The following ZBBX variants were observed in gnomAD, a reference collection of about 807,000 sequenced individuals.
ZBBX encodes the protein zinc finger B-box domain containing.
ZBBX carries 101 observed loss-of-function variants against 108.5 expected under a neutral mutation model. The ratio of observed to expected loss-of-function variants is 0.93; its 90% CI spans 0.79 to 1.10. ZBBX has a LOEUF of 1.10. Among genes scored for constraint, ZBBX ranks in the 50% least tolerant of loss-of-function variants. The pLI, the probability that ZBBX is intolerant of heterozygous loss-of-function variation, is 0.00. For missense variants in ZBBX, 1,009 were observed against 941.4 expected (o/e 1.07, Z -0.94); for synonymous variants, 356 against 323.4 (o/e 1.10, Z -1.08).
At chr3:167,222,646 T>C in the ZBBX span, among the ~76,000 whole-genome samples, 1 of 151,964 alleles carries the variant, frequency 6.6e-6, no homozygotes, top group Non-Finnish European at 1.5e-5. Flanking sequence ...GTATTATTCA[T>C]TGTATGCCTG....
chr3:167,346,321 T>C (rs2108471207), intron 9 of ZBBX, among the ~76,000 whole-genome samples: 1 of 151,950 alleles, frequency 6.6e-6, no homozygotes, highest in Middle Eastern at 3.4e-3. Flanking sequence ...CAAGTACAAA[T>C]CAATCATAAA....
chr3:167,290,599 G>A (rs920406656), intron 18 of ZBBX, among the ~76,000 whole-genome samples: 2 of 152,180 alleles, frequency 1.3e-5, no homozygotes, highest in Admixed American at 1.3e-4. Context: ...AAGATGGGGA[G>A]AAACCAGTGC....
chr3:167,316,260 A>G (rs936712472), intron 14 of ZBBX, among the ~76,000 whole-genome samples: 10 of 152,138 alleles, frequency 6.6e-5, no homozygotes, highest in African/African-American at 2.4e-4. Context: ...TTGTTAGCCA[A>G]AAAACACAAA....
intron 9 of ZBBX, among the ~76,000 whole-genome samples, chr3:167,335,569 GC>G (rs1362235975): frequency 6.6e-6 from 1 of 151,364 alleles, no homozygotes; most frequent in Admixed American, 6.6e-5. Flanking sequence ...GAAAAATTTA[GC>G]AGGGATCAGA....
At chr3:167,346,451 A>G (rs1300499881) in intron 9 of ZBBX, among the ~76,000 whole-genome samples, 1 of 151,824 alleles carries the variant, frequency 6.6e-6, no homozygotes, top group Non-Finnish European at 1.5e-5. Flanking sequence ...TACTGACTAA[A>G]CTCACAGGAC....
At chr3:167,185,124 C>T in the ZBBX span, among the ~76,000 whole-genome samples, 1 of 152,214 alleles carries the variant, frequency 6.6e-6, no homozygotes, top group Non-Finnish European at 1.5e-5. Flanking sequence ...CAAACCTAAA[C>T]GTTTCTCCAC....
At position 167,270,333 on chromosome 3, in the gene ZBBX, C is replaced by T. The variant is rs553434039; in HGVS notation, c.2254+11905G>A. Among the ~76,000 whole-genome samples the T allele has an allele frequency of 1.7e-4, 26 of 152,240 alleles. 1 individual carries two copies. In the South Asian group the frequency reaches 3.3e-3, roughly 19 times the overall value. On this transcript the variant is annotated intron_variant, in intron 20 of 21. Transcript: ENST00000675490. The stretch of plus-strand genomic sequence containing the variant: ...ATTTCTAGGATTAGTTGGATACTGC[C>T]GCTTATGGATTGACTCATATGCCTT...
At chr3:167,368,867 T>C (rs1179169181) in intron 4 of ZBBX, 1 of 340,382 alleles carries the variant, frequency 2.9e-6, no homozygotes, top group Non-Finnish European at 4.3e-6. Flanking sequence ...TGAACAAATA[T>C]CTATGACATA....
intron 8 of ZBBX, among the ~76,000 whole-genome samples, chr3:167,352,577 A>G (rs1742847793): frequency 6.6e-6 from 1 of 152,040 alleles, no homozygotes. Context: ...TACCAATACC[A>G]CTGAAACTAT....
intron 1 of ZBBX, among the ~76,000 whole-genome samples, chr3:167,402,627 T>G (rs1394096284): frequency 2.0e-5 from 3 of 151,948 alleles, no homozygotes; most frequent in African/African-American, 7.2e-5. Flanking sequence ...AAACCACAGA[T>G]GATCCAGATA....
intron 18 of ZBBX, among the ~76,000 whole-genome samples, chr3:167,293,145 TTC>T (rs1430662736): frequency 6.6e-6 from 1 of 152,206 alleles, no homozygotes; most frequent in Non-Finnish European, 1.5e-5. Context: ...GTACCATTCC[TTC>T]TGAAACTATT....
chr3:167,312,438 A>G (rs1394955834), intron 16 of ZBBX, among the ~76,000 whole-genome samples: 1 of 152,224 alleles, frequency 6.6e-6, no homozygotes, highest in Non-Finnish European at 1.5e-5. Flanking sequence ...ATGGACACTG[A>G]GTTACAATAA....
intron 16 of ZBBX, among the ~76,000 whole-genome samples, chr3:167,311,502 C>T (rs2108264956): frequency 6.6e-6 from 1 of 152,118 alleles, no homozygotes; most frequent in East Asian, 1.9e-4. Context: ...AACAGGCAAT[C>T]CATACACTGA....
At chr3:167,345,881 T>C (rs1447878926) in intron 9 of ZBBX, among the ~76,000 whole-genome samples, 1 of 151,848 alleles carries the variant, frequency 6.6e-6, no homozygotes, top group Non-Finnish European at 1.5e-5. Flanking sequence ...CTTTCATTAA[T>C]ACCACCCACC....
chr3:167,392,804 T>C (rs1007894580), intron 1 of ZBBX: 2 of 151,886 alleles, frequency 1.3e-5, no homozygotes, highest in African/African-American at 4.8e-5. Context: ...TTTAGGTGGA[T>C]GTTAATGCTA....
intron 20 of ZBBX, among the ~76,000 whole-genome samples, chr3:167,265,215 T>C (rs1203378994): frequency 6.6e-6 from 1 of 152,188 alleles, no homozygotes; most frequent in Non-Finnish European, 1.5e-5. Context: ...CAGCACATCT[T>C]AGAGTCCAAG....
intron 9 of ZBBX, among the ~76,000 whole-genome samples, chr3:167,341,762 G>C (rs1365703558): frequency 6.6e-6 from 1 of 151,974 alleles, no homozygotes; most frequent in Non-Finnish European, 1.5e-5. Flanking sequence ...ACTGCTTTCA[G>C]CAATTGTTCA....
At chr3:167,375,122 G>A (rs1746748739) in intron 2 of ZBBX, among the ~76,000 whole-genome samples, 1 of 152,170 alleles carries the variant, frequency 6.6e-6, no homozygotes, top group Admixed American at 6.5e-5. Flanking sequence ...TAAGACTTAA[G>A]GAAGGACAGC....
intron 8 of ZBBX, among the ~76,000 whole-genome samples, chr3:167,354,499 A>G (rs1743198494): frequency 6.6e-6 from 1 of 151,856 alleles, no homozygotes; most frequent in East Asian, 1.9e-4. Flanking sequence ...CTGAAGAAAA[A>G]AAAACACTAT....
Sources: allele counts gnomAD v4.1 joint callset (sites outside exome capture counted in the v4.1 genomes callset), GRCh38; gene constraint gnomAD v4.1.1; transcripts MANE v1.5; gene names NCBI Gene and HGNC (gene_info 2026-07-23, HGNC 2026-07-21).